The following CDH13 variants were observed in gnomAD, a reference collection of about 807,000 sequenced individuals.
CDH13 encodes the protein cadherin-13.
A neutral mutation model predicts 63.8 loss-of-function variants in CDH13; 24 were observed. That is an observed-to-expected ratio of 0.38 (90% CI 0.27 to 0.53). The LOEUF is 0.53. Among genes scored for constraint, CDH13 ranks in the 20% least tolerant of loss-of-function variants. The pLI is 0.85. For synonymous variants in CDH13, 503 were observed against 355.3 expected, an observed-to-expected ratio of 1.42 and a Z score of -4.67; for missense variants, 1,049 against 903.1, an observed-to-expected ratio of 1.16 and a Z score of -2.07.
intron 6 of CDH13, among the ~76,000 whole-genome samples, chr16:83,407,555 T>C (rs1046945410): frequency 1.3e-5 from 2 of 152,242 alleles, no homozygotes; most frequent in African/African-American, 2.4e-5. Context: ...AAATAAAATG[T>C]AGTGATTCAT....
At chr16:82,786,281 T>G (rs2035997559) in intron 1 of CDH13, among the ~76,000 whole-genome samples, 1 of 152,180 alleles carries the variant, frequency 6.6e-6, no homozygotes, top group Admixed American at 6.5e-5. Flanking sequence ...GTTTGATTTT[T>G]TTTTTAAATC....
intron 6 of CDH13, among the ~76,000 whole-genome samples, chr16:83,475,684 C>T (rs1005561438): frequency 6.6e-6 from 1 of 152,104 alleles, no homozygotes; most frequent in Non-Finnish European, 1.5e-5. Context: ...CGTGTTCAAG[C>T]AGTTCTCACA....
chr16:82,775,050 G>A (rs1318170279), intron 1 of CDH13, among the ~76,000 whole-genome samples: 1 of 152,212 alleles, frequency 6.6e-6, no homozygotes, highest in Non-Finnish European at 1.5e-5. Context: ...CCACGTGCTG[G>A]AAGGAGAGTA....
chr16:82,659,697 G>A (rs1193491726), intron 1 of CDH13, among the ~76,000 whole-genome samples: 4 of 152,130 alleles, frequency 2.6e-5, no homozygotes, highest in African/African-American at 9.7e-5. Flanking sequence ...CATGGACTAG[G>A]AGACTCATGA....
chr16:83,646,100 A>G (rs1911766536), intron 8 of CDH13, among the ~76,000 whole-genome samples: 1 of 152,184 alleles, frequency 6.6e-6, no homozygotes, highest in Non-Finnish European at 1.5e-5. Context: ...ACTGGGCCCT[A>G]GTGTGGGACC....
intron 4 of CDH13, among the ~76,000 whole-genome samples, chr16:83,157,995 G>GC (rs2151706136): frequency 6.6e-6 from 1 of 152,200 alleles, no homozygotes; most frequent in South Asian, 2.1e-4. Context: ...AGCACTAGCA[G>GC]CCCCCAACCA....
chr16:83,271,422 T>TTAAAAA lies in CDH13; in HGVS notation c.636+53925_636+53926insTAAAAA, dbSNP rs1555522986. Among the ~76,000 whole-genome samples the TTAAAAA allele has an allele frequency of 3.5e-3, 90 of 26,034 alleles. 21 individuals are homozygous for TTAAAAA. Among genetic ancestry groups the TTAAAAA allele is most frequent in the East Asian group, 8.6e-3 (9 of 1,044 alleles). The allele number at this position is 26,034 out of a possible 152,430, so 17.1% of individuals were successfully genotyped here. A position where few individuals can be genotyped will look rare whatever the true frequency, so the allele number is the denominator to read the frequency against. The stretch of plus-strand genomic sequence containing the variant: ...CTACCGCACATTGAGGCAGAGTTCA[T>TTAAAAA]AAAAAAAAAAAAAAAAAAAAAAAAA... On this transcript the variant is annotated intron_variant, in intron 5 of 13. Transcript: ENST00000567109.
intron 6 of CDH13, among the ~76,000 whole-genome samples, chr16:83,356,216 G>A (rs8050939): frequency 0.11 from 1,621 of 15,398 alleles, 28 homozygotes; most frequent in African/African-American, 0.38. Context: ...ATTTTCATGT[G>A]TGTGTGTGTG....
intron 6 of CDH13, among the ~76,000 whole-genome samples, chr16:83,347,158 C>G (rs2090856567): frequency 6.6e-6 from 1 of 152,166 alleles, no homozygotes; most frequent in Admixed American, 6.5e-5. Context: ...CAGTGGGAAT[C>G]TGATGAAGAA....
At chr16:83,355,412 G>T (rs780158164) in intron 6 of CDH13, among the ~76,000 whole-genome samples, 1 of 152,140 alleles carries the variant, frequency 6.6e-6, no homozygotes, top group Non-Finnish European at 1.5e-5. Flanking sequence ...CAGCAACACA[G>T]TTAAGACCAG....
intron 8 of CDH13, among the ~76,000 whole-genome samples, chr16:83,660,977 A>T (rs1170487065): frequency 6.6e-6 from 1 of 152,082 alleles, no homozygotes; most frequent in Non-Finnish European, 1.5e-5. Flanking sequence ...TTTTTCTGTC[A>T]CCATCTAATG....
At chr16:82,821,810 C>T (rs972899888) in intron 1 of CDH13, among the ~76,000 whole-genome samples, 1 of 152,126 alleles carries the variant, frequency 6.6e-6, no homozygotes, top group Non-Finnish European at 1.5e-5. Context: ...TTTAGAAAGG[C>T]AAGGGGCCAG....
At chr16:83,470,926 A>G (rs975161320) in intron 6 of CDH13, among the ~76,000 whole-genome samples, 4 of 152,200 alleles carry the variant, frequency 2.6e-5, no homozygotes, top group African/African-American at 9.6e-5. Context: ...TTCCTTCCAG[A>G]GGCTCCAGGG....
intron 1 of CDH13, chr16:82,824,201 C>G (rs1024207165): frequency 4.6e-5 from 7 of 151,718 alleles, no homozygotes; most frequent in African/African-American, 1.7e-4. Flanking sequence ...TTTAAATACA[C>G]TAAATCTGTT....
At chr16:83,080,871 G>GTTTTTTTTTGT (rs2033184696) in intron 3 of CDH13, among the ~76,000 whole-genome samples, 1 of 46,928 alleles carries the variant, frequency 2.1e-5, no homozygotes, top group Admixed American at 3.8e-4. Flanking sequence ...TTGTTTTTGT[G>GTTTTTTTTTGT]TTTTTTTTTT....
At chr16:82,916,056 A>C (rs568198333) in intron 2 of CDH13, among the ~76,000 whole-genome samples, 66 of 152,260 alleles carry the variant, frequency 4.3e-4, no homozygotes, top group African/African-American at 1.5e-3. Flanking sequence ...AGATGTTTCC[A>C]TAAAGAGGAG....
chr16:83,484,934 C>T (rs1198075718), intron 6 of CDH13, among the ~76,000 whole-genome samples: 1 of 152,208 alleles, frequency 6.6e-6, no homozygotes, highest in Non-Finnish European at 1.5e-5. Context: ...CAATGGGAAA[C>T]AGAACCATGT....
chr16:83,315,672 TA>T (rs113771849), intron 5 of CDH13, among the ~76,000 whole-genome samples: 3 of 151,956 alleles, frequency 2.0e-5, no homozygotes, highest in South Asian at 2.1e-4. Flanking sequence ...AGAAAATTTT[TA>T]ATTTTTTTAG....
intron 7 of CDH13, among the ~76,000 whole-genome samples, chr16:83,540,062 TA>T (rs1382292156): frequency 5.6e-5 from 8 of 143,592 alleles, no homozygotes; most frequent in South Asian, 4.4e-4. Flanking sequence ...TTATTGTCAA[TA>T]AATTTTTTTT....
Sources: gnomAD v4.1 joint callset for allele counts (sites outside exome capture counted in the v4.1 genomes callset) on GRCh38, gnomAD v4.1.1 for gene constraint, MANE v1.5 for transcripts, NCBI Gene and HGNC (gene_info 2026-07-23, HGNC 2026-07-21) for gene names.